Variants in ERC1 observed in about 807,000 individuals in gnomAD.
The protein encoded by ERC1 is RAB6 interacting protein 2.
In ERC1, 56 loss-of-function variants were observed where a neutral mutation model predicts 132.0. The observed-to-expected ratio is 0.42, with a 90% CI of 0.34 to 0.53. ERC1 has a LOEUF of 0.53. Among genes scored for constraint, ERC1 ranks in the 20% least tolerant of loss-of-function variants. The pLI is 0.03. For missense variants in ERC1, 1,202 were observed against 1,349.9 expected (o/e 0.89, Z 1.72); for synonymous variants, 478 against 476.1 (o/e 1.00, Z -0.05).
intron 16 of ERC1, among the ~76,000 whole-genome samples, chr12:1,382,253 A>G (rs1007886110): frequency 2.0e-5 from 3 of 152,224 alleles, no homozygotes; most frequent in Admixed American, 6.5e-5. Flanking sequence ...GCCTAACCCT[A>G]GGGCTGTATG....
At chr12:1,377,000 T>C (rs1035409175) in intron 16 of ERC1, among the ~76,000 whole-genome samples, 1 of 152,186 alleles carries the variant, frequency 6.6e-6, no homozygotes, top group Non-Finnish European at 1.5e-5. Context: ...TTGAGAATGA[T>C]CCCATATTCT....
rs1429278125 is a variant in ERC1 at position 1,493,545 on chromosome 12, AAAAATATATATATATAT to A, written c.*3317_*3333del. On this transcript the variant is annotated 3_prime_UTR_variant, in exon 19 of 19. Coordinates refer to ENST00000360905, the MANE Select transcript of ERC1 (RefSeq NM_178040.4). ...GAGACTCCATTTAAAAAAAAAAAAA[AAAAATATATATATATAT>A]ATATATATATATATATGGATGGGAA... The A allele has an allele frequency of 1.4e-4, 10 of 73,596 alleles. No individual in the cohort carries two copies. Among genetic ancestry groups the A allele is most frequent in the East Asian group, 9.4e-4 (2 of 2,118 alleles). 4.6% of individuals were successfully genotyped at this position (73,596 alleles called of 1,614,324 possible). A position where few individuals can be genotyped will look rare whatever the true frequency, so the allele number is the denominator to read the frequency against.
Position 1,418,627 on chromosome 12 carries a change from CTT to C in ERC1, c.3024+10382_3024+10383del, listed in dbSNP as rs1491117228. ...TCTTTCTTTCTTTCTTTCTTTCTTT[CTT>C]TCTTTCTTTCTTTCTCTCTCTCTCT... On this transcript the variant is annotated intron_variant, in intron 17 of 18. Coordinates refer to ENST00000360905, the MANE Select transcript of ERC1 (RefSeq NM_178040.4). 3.0e-3 allele frequency among the ~76,000 whole-genome samples: 364 copies of C among 119,430 alleles called. 4 individuals are homozygous for C. Among genetic ancestry groups the C allele is most frequent in the African/African-American group, 8.7e-3 (204 of 23,404 alleles). 78.4% of individuals were successfully genotyped at this position (119,430 alleles called of 152,430 possible). A position where few individuals can be genotyped will look rare whatever the true frequency, so the allele number is the denominator to read the frequency against.
chr12:1,131,617 A>G (rs1173330363), intron 7 of ERC1, among the ~76,000 whole-genome samples: 4 of 110,090 alleles, frequency 3.6e-5, no homozygotes, highest in Admixed American at 3.1e-4. Context: ...GCCCACCACC[A>G]CACCCAGCTA....
intron 15 of ERC1, among the ~76,000 whole-genome samples, chr12:1,324,841 T>C (rs2082339711): frequency 6.6e-6 from 1 of 152,226 alleles, no homozygotes; most frequent in Admixed American, 6.5e-5. Flanking sequence ...ACTGCCTGTT[T>C]TTCTTCAGGT....
At chr12:1,336,226 T>TA (rs1253651454) in intron 15 of ERC1, among the ~76,000 whole-genome samples, 1 of 152,158 alleles carries the variant, frequency 6.6e-6, no homozygotes, top group Non-Finnish European at 1.5e-5. Context: ...TGATCCTTTA[T>TA]ATGGGTTTTC....
intron 12 of ERC1, among the ~76,000 whole-genome samples, chr12:1,202,837 T>C (rs1431875723): frequency 1.3e-5 from 2 of 152,236 alleles, no homozygotes; most frequent in African/African-American, 4.8e-5. Flanking sequence ...ACTCAGTTAA[T>C]GTCCTTGTTC....
intron 16 of ERC1, among the ~76,000 whole-genome samples, chr12:1,393,410 C>T (rs1309361507): frequency 6.6e-6 from 1 of 152,162 alleles, no homozygotes; most frequent in Non-Finnish European, 1.5e-5. Flanking sequence ...TGGTGCACAT[C>T]TGTAGTCCCA....
chr12:1,382,626 G>A (rs1310732956), intron 16 of ERC1, among the ~76,000 whole-genome samples: 1 of 152,160 alleles, frequency 6.6e-6, no homozygotes, highest in Non-Finnish European at 1.5e-5. Flanking sequence ...TGGGTGGATA[G>A]ATCAAATGAT....
intron 8 of ERC1, among the ~76,000 whole-genome samples, chr12:1,173,605 A>G (rs1307222845): frequency 6.6e-6 from 1 of 152,182 alleles, no homozygotes; most frequent in Admixed American, 6.5e-5. Context: ...TCCTATGGGT[A>G]CTTGAATTAG....
At chr12:1,279,060 A>G (rs1204482328) in intron 14 of ERC1, among the ~76,000 whole-genome samples, 3 of 152,190 alleles carry the variant, frequency 2.0e-5, no homozygotes, top group Non-Finnish European at 2.9e-5. Flanking sequence ...TCCTAATTGT[A>G]TGTTTTCTCT....
intron 15 of ERC1, among the ~76,000 whole-genome samples, chr12:1,356,667 A>G (rs1301073502): frequency 3.3e-5 from 5 of 152,166 alleles, no homozygotes; most frequent in Non-Finnish European, 5.9e-5. Flanking sequence ...AAAAGGAAAA[A>G]TTGGTGTAGT....
At chr12:1,421,861 C>CA (rs58514480) in intron 17 of ERC1, among the ~76,000 whole-genome samples, 15,765 of 127,928 alleles carry the variant, frequency 0.12, 994 homozygotes, top group African/African-American at 0.2. Context: ...ACTAAAAATA[C>CA]AAAAAAAAAA....
At chr12:1,205,365 A>G (rs1035630683) in intron 12 of ERC1, among the ~76,000 whole-genome samples, 11 of 151,026 alleles carry the variant, frequency 7.3e-5, no homozygotes, top group African/African-American at 2.7e-4. Context: ...GCGATTATAT[A>G]TATGTGTGTG....
intron 2 of ERC1, among the ~76,000 whole-genome samples, chr12:1,082,093 A>G (rs1942284062): frequency 1.3e-5 from 2 of 152,108 alleles, no homozygotes; most frequent in South Asian, 4.1e-4. Flanking sequence ...CAGTGGTGTG[A>G]TCTTGGCTTA....
chr12:1,454,244 C>CTCTT (rs1229340557), intron 18 of ERC1, among the ~76,000 whole-genome samples: 18 of 152,224 alleles, frequency 1.2e-4, no homozygotes, highest in African/African-American at 3.6e-4. Context: ...CTCCACACCC[C>CTCTT]TCTCCATGTG....
At chr12:1,111,827 G>A (rs541626586) in intron 5 of ERC1, among the ~76,000 whole-genome samples, 3 of 151,890 alleles carry the variant, frequency 2.0e-5, no homozygotes, top group Admixed American at 1.3e-4. Context: ...GGCAGGTCTC[G>A]AACTCCTGAC....
intron 15 of ERC1, among the ~76,000 whole-genome samples, chr12:1,294,797 G>T (rs995211197): frequency 1.3e-5 from 2 of 151,874 alleles, no homozygotes; most frequent in Non-Finnish European, 2.9e-5. Context: ...GGTTTTGTTT[G>T]GATTTTTGAT....
chr12:1,348,457 C>T (rs919854470), intron 15 of ERC1, among the ~76,000 whole-genome samples: 2 of 152,044 alleles, frequency 1.3e-5, no homozygotes, highest in Non-Finnish European at 2.9e-5. Flanking sequence ...GAGGCCGAGG[C>T]GGGCAGATCA....
Sources: allele counts gnomAD v4.1 joint callset (sites outside exome capture counted in the v4.1 genomes callset), GRCh38; gene constraint gnomAD v4.1.1; transcripts MANE v1.5; gene names NCBI Gene and HGNC (gene_info 2026-07-23, HGNC 2026-07-21).